Variants in FBXO36 observed in about 807,000 individuals in gnomAD.
FBXO36 encodes F-box protein 36.
In FBXO36, 18 loss-of-function variants were observed where a neutral mutation model predicts 17.0. The observed-to-expected ratio is 1.06, with a 90% CI of 0.73 to 1.57. FBXO36 has a LOEUF of 1.57. FBXO36 is among the 40% of genes most tolerant of loss of function. The probability of loss-of-function intolerance (pLI) is 0.00; values close to 1 mark genes in which losing one functional copy is unlikely to be tolerated. For synonymous variants in FBXO36, 83 were observed against 85.3 expected (o/e 0.97, Z 0.15); for missense variants, 229 against 221.9 (o/e 1.03, Z -0.20).
At chr2:229,996,727 C>T (rs1466784932) in intron 2 of FBXO36, 24 bp from the exon 3 acceptor site, 2 of 1,593,786 alleles carry the variant, frequency 1.3e-6, no homozygotes, top group Non-Finnish European at 1.7e-6. Context: ...ATATGATAAC[C>T]ATGTTGGCTT....
chr2:229,961,201 A>G (rs2077118992), intron 1 of FBXO36, among the ~76,000 whole-genome samples: 1 of 152,140 alleles, frequency 6.6e-6, no homozygotes, highest in Admixed American at 6.6e-5. Context: ...CCAATTTGAA[A>G]TACTACCTTT....
rs372873242 is a variant in FBXO36, at chr2:230,010,987, G to C, written c.*103G>C. ...TTCTTAAGAACTAAGAGGTTTTGTT[G>C]ATGCGTGGAGCCATTTGAAACTCGT... On this transcript the variant is annotated 3_prime_UTR_variant, in exon 4 of 4. Coordinates refer to ENST00000283946, the MANE Select transcript of FBXO36 (RefSeq NM_174899.5). 1.1e-5 allele frequency: 14 copies of C among 1,228,296 alleles called. No individual in the cohort carries two copies. Among genetic ancestry groups the C allele is most frequent in the African/African-American group, 9.1e-5 (6 of 65,600 alleles). The allele number at this position is 1,228,296 out of a possible 1,614,324, so 76.1% of individuals were successfully genotyped here.
chr2:230,006,049 A>G (rs1254633268), intron 3 of FBXO36, among the ~76,000 whole-genome samples: 7 of 151,762 alleles, frequency 4.6e-5, no homozygotes, highest in Non-Finnish European at 8.8e-5. Context: ...TAGTTCTCAT[A>G]GAAATCTTTA....
chr2:229,985,559 A>G (rs61706380), intron 2 of FBXO36, among the ~76,000 whole-genome samples: 40,748 of 152,032 alleles, frequency 0.27, 6,760 homozygotes, highest in Middle Eastern at 0.44. Flanking sequence ...GCTTCTGCAT[A>G]CCTTGGGTTG....
intron 1 of FBXO36, among the ~76,000 whole-genome samples, chr2:229,963,349 C>G (rs554984946): frequency 6.6e-6 from 1 of 151,922 alleles, no homozygotes; most frequent in South Asian, 2.1e-4. Context: ...CAGATGTGAG[C>G]GACCGTGCCC....
In FBXO36 at chr2:229,978,614, A is replaced by C. The variant is rs1037364329; in HGVS notation, c.205+2265A>C. Among the ~76,000 whole-genome samples, 3 of 152,212 alleles carry C rather than the reference A, an allele frequency of 2.0e-5. No individual in the cohort carries two copies. In the East Asian group the frequency reaches 5.8e-4, roughly 29 times the overall value. On this transcript the variant is annotated intron_variant, in intron 2 of 3. Coordinates refer to ENST00000283946, the MANE Select transcript of FBXO36 (RefSeq NM_174899.5). ...AAAAATAATAATAATAATAATAGTAATATTTTAAAGCTAGAAGACACCTTA... is the reference window on the plus strand; with the variant it reads ...AAAAATAATAATAATAATAATAGTACTATTTTAAAGCTAGAAGACACCTTA...
At position 230,012,245 on chromosome 2, in the gene FBXO36, C is replaced by T. The variant is rs540795312; in HGVS notation, c.*1361C>T. 6.6e-6 allele frequency: 1 copy of T among 152,174 alleles called. No homozygotes were observed. The highest frequency in any genetic ancestry group is 1.5e-5 in the Non-Finnish European group (1 of 68,020). 9.4% of individuals were successfully genotyped at this position (152,174 alleles called of 1,614,324 possible). On this transcript the variant is annotated 3_prime_UTR_variant, in exon 4 of 4. Coordinates refer to ENST00000283946, the MANE Select transcript of FBXO36 (RefSeq NM_174899.5). Reference sequence around the variant, plus strand: ...TCCCACCTAAGTCCTTCCAGAAGGGCTCTACAGCATGGCTTAGTGACATTA... The same window carrying T: ...TCCCACCTAAGTCCTTCCAGAAGGGTTCTACAGCATGGCTTAGTGACATTA...
intron 1 of FBXO36, among the ~76,000 whole-genome samples, chr2:229,926,147 G>T (rs923792923): frequency 6.2e-5 from 9 of 145,034 alleles, no homozygotes; most frequent in African/African-American, 1.9e-4. Context: ...AAAAAAAAAG[G>T]GGGGGCTGAG....
chr2:229,923,809 C>T (rs1323793000), intron 1 of FBXO36, among the ~76,000 whole-genome samples: 1 of 145,128 alleles, frequency 6.9e-6, no homozygotes, highest in Non-Finnish European at 1.5e-5. Flanking sequence ...GTATGAAATA[C>T]TGAAAGGTAT....
chr2:229,953,982 C>T (rs535174827), intron 1 of FBXO36, among the ~76,000 whole-genome samples: 2 of 152,046 alleles, frequency 1.3e-5, no homozygotes, highest in African/African-American at 2.4e-5. Context: ...ACATATGCCT[C>T]AGCCTTCCAA....
chr2:229,958,296 T>C (rs2077101754), intron 1 of FBXO36, among the ~76,000 whole-genome samples: 1 of 127,582 alleles, frequency 7.8e-6, no homozygotes. Context: ...AGTCAGAGTC[T>C]CACTCACTCT....
chr2:230,005,355 C>A (rs1323196749), intron 3 of FBXO36, among the ~76,000 whole-genome samples: 2 of 152,112 alleles, frequency 1.3e-5, no homozygotes, highest in Admixed American at 6.6e-5. Flanking sequence ...CCTGCCTCGG[C>A]CTTCCAAAGT....
At chr2:229,949,636 A>G (rs770671865) in intron 1 of FBXO36, among the ~76,000 whole-genome samples, 1 of 152,000 alleles carries the variant, frequency 6.6e-6, no homozygotes, top group African/African-American at 2.4e-5. Context: ...AAATATTCCA[A>G]TATTCTTTGC....
chr2:229,976,941 G>C (rs181488214), intron 2 of FBXO36: 1 of 152,234 alleles, frequency 6.6e-6, no homozygotes, highest in East Asian at 1.9e-4. Context: ...AGTGGTTTGG[G>C]CTTTACTGGC....
At chr2:229,976,527 A>G (rs1178830459) in intron 2 of FBXO36, 178 bp downstream of exon 2, 3 of 549,814 alleles carry the variant, frequency 5.5e-6, no homozygotes, top group African/African-American at 3.8e-5. Flanking sequence ...CTTGGAAAAC[A>G]TATTAGCATT....
intron 2 of FBXO36, among the ~76,000 whole-genome samples, chr2:229,986,717 T>G (rs1035467696): frequency 6.6e-6 from 1 of 151,046 alleles, no homozygotes; most frequent in African/African-American, 2.4e-5. Context: ...GTATTTTTAG[T>G]AGAGACGAGG....
intron 1 of FBXO36, among the ~76,000 whole-genome samples, chr2:229,960,732 G>C (rs1471827632): frequency 6.6e-6 from 1 of 152,118 alleles, no homozygotes; most frequent in African/African-American, 2.4e-5. Context: ...CAAACTTCTA[G>C]CCTCAAGCCA....
At chr2:229,952,702 G>T (rs551735853) in intron 1 of FBXO36, among the ~76,000 whole-genome samples, 2 of 152,290 alleles carry the variant, frequency 1.3e-5, no homozygotes, top group African/African-American at 4.8e-5. Context: ...CCAGCCTCCT[G>T]CAGTACTCAG....
chr2:229,949,164 T>C (rs1239840936), intron 1 of FBXO36, among the ~76,000 whole-genome samples: 1 of 152,200 alleles, frequency 6.6e-6, no homozygotes. Context: ...CATAAATGCC[T>C]GTCTGTATAA....
Sources: allele counts gnomAD v4.1 joint callset (sites outside exome capture counted in the v4.1 genomes callset), GRCh38; gene constraint gnomAD v4.1.1; transcripts MANE v1.5; gene names NCBI Gene and HGNC (gene_info 2026-07-23, HGNC 2026-07-21).